The following PHACTR1 variants were observed in gnomAD, a reference collection of about 807,000 sequenced individuals.
PHACTR1 encodes the protein phosphatase and actin regulator 1.
PHACTR1 carries 16 observed loss-of-function variants against 69.2 expected under a neutral mutation model. That is an observed-to-expected ratio of 0.23 (90% CI 0.16 to 0.35). PHACTR1 has a LOEUF of 0.35. PHACTR1 is among the 10% of genes least tolerant of loss of function. The pLI, the probability that PHACTR1 is intolerant of heterozygous loss-of-function variation, is 1.00. For synonymous variants in PHACTR1, 312 were observed against 284.5 expected, an observed-to-expected ratio of 1.10 and a Z score of -0.97; for missense variants, 510 against 734.7, an observed-to-expected ratio of 0.69 and a Z score of 3.54.
intron 6 of PHACTR1, among the ~76,000 whole-genome samples, chr6:13,167,490 C>T (rs1402538259): frequency 1.3e-5 from 2 of 152,218 alleles, no homozygotes; most frequent in African/African-American, 4.8e-5. Flanking sequence ...ATTCCACACC[C>T]TAAATGTGGC....
chr6:12,835,039 T>C (rs1262536657), intron 4 of PHACTR1, among the ~76,000 whole-genome samples: 1 of 152,082 alleles, frequency 6.6e-6, no homozygotes, highest in Non-Finnish European at 1.5e-5. Context: ...GAGCTTAGGA[T>C]GAAAAGCTAG....
Position 13,028,644 on chromosome 6 carries a change from G to A in PHACTR1, c.251-24721G>A, listed in dbSNP as rs759995333. Among the ~76,000 whole-genome samples, 7 of 152,208 alleles carry A rather than the reference G, an allele frequency of 4.6e-5. No individual in the cohort carries two copies. The South Asian group carries it at 6.2e-4, about 14-fold the overall frequency. The stretch of plus-strand genomic sequence containing the variant: ...TTTACTATTGGGGAGTGTCAGGTGC[G>A]TCCTGTACATTGTAGGATGTTTAGC... On this transcript the variant is annotated intron_variant, in intron 4 of 14. Transcript: ENST00000332995.
intron 4 of PHACTR1, among the ~76,000 whole-genome samples, chr6:12,835,313 T>C (rs939787904): frequency 1.9e-4 from 29 of 152,018 alleles, no homozygotes; most frequent in Non-Finnish European, 8.8e-5. Flanking sequence ...TGTCAGAGTG[T>C]GAGGCTTGGG....
intron 5 of PHACTR1, among the ~76,000 whole-genome samples, chr6:13,063,678 G>A (rs1236411332): frequency 6.6e-6 from 1 of 152,072 alleles, no homozygotes; most frequent in East Asian, 1.9e-4. Context: ...TGCTGGGGAG[G>A]CTAAGGTGGG....
intron 4 of PHACTR1, among the ~76,000 whole-genome samples, chr6:12,904,980 T>C (rs1234993885): frequency 3.9e-5 from 6 of 152,174 alleles, no homozygotes; most frequent in Non-Finnish European, 7.4e-5. Context: ...TTCATAAAAA[T>C]AGCAGGAAAG....
intron 5 of PHACTR1, among the ~76,000 whole-genome samples, chr6:13,094,128 G>A (rs555320250): frequency 1.6e-4 from 24 of 152,068 alleles, no homozygotes; most frequent in African/African-American, 4.6e-4. Context: ...CAGTCCTCCC[G>A]CCTCAGCCTC....
intron 5 of PHACTR1, among the ~76,000 whole-genome samples, chr6:13,080,219 C>T (rs9473435): frequency 0.14 from 20,963 of 152,046 alleles, 4,755 homozygotes; most frequent in African/African-American, 0.47. Flanking sequence ...ACTATCCTGA[C>T]TTAGAAGATT....
rs368841752 is a variant in PHACTR1 at position 13,062,343 on chromosome 6, TA to T, written c.415+8816del. On this transcript the variant is annotated intron_variant, in intron 5 of 14. Transcript: ENST00000332995. ...CCCCAATCAAACAAGGACCAGCCCT[TA>T]ACCCTGGGCTGTTAGCCAACCACTT... Among the ~76,000 whole-genome samples, 40 of 152,270 alleles carry T rather than the reference TA, an allele frequency of 2.6e-4. 2 individuals are homozygous for T. The East Asian group carries it at 6.8e-3, about 26-fold the overall frequency.
chr6:13,195,751 C>T (rs1231043084), intron 7 of PHACTR1, among the ~76,000 whole-genome samples: 1 of 18,620 alleles, frequency 5.4e-5, no homozygotes, highest in Non-Finnish European at 1.3e-4. Flanking sequence ...GAGAGAGACA[C>T]CGTCTCAAAA....
intron 4 of PHACTR1, among the ~76,000 whole-genome samples, chr6:13,036,981 G>A (rs886696320): frequency 6.6e-6 from 1 of 152,172 alleles, no homozygotes; most frequent in African/African-American, 2.4e-5. Context: ...AACATGGAGG[G>A]TAGGGTCATA....
At chr6:12,762,431 A>G (rs2127612878) in intron 4 of PHACTR1, among the ~76,000 whole-genome samples, 1 of 152,350 alleles carries the variant, frequency 6.6e-6, no homozygotes, top group Admixed American at 6.5e-5. Flanking sequence ...TGCATTTGAC[A>G]TAAATAACGC....
chr6:12,777,956 A>C (rs1026612909), intron 4 of PHACTR1, among the ~76,000 whole-genome samples: 3 of 152,156 alleles, frequency 2.0e-5, no homozygotes, highest in Non-Finnish European at 4.4e-5. Flanking sequence ...TCTAGACTAC[A>C]GTTATTAACT....
intron 5 of PHACTR1, among the ~76,000 whole-genome samples, chr6:13,064,517 A>C (rs1415697955): frequency 7.3e-6 from 1 of 136,804 alleles, no homozygotes; most frequent in African/African-American, 2.7e-5. Flanking sequence ...TTAATATAAT[A>C]AATTGCAACG....
chr6:13,066,092 T>A (rs1443816265), intron 5 of PHACTR1, among the ~76,000 whole-genome samples: 4 of 152,186 alleles, frequency 2.6e-5, no homozygotes, highest in Non-Finnish European at 2.9e-5. Flanking sequence ...AAAAAATCTC[T>A]AACAGGTACA....
At chr6:12,813,328 T>C (rs1371672083) in intron 4 of PHACTR1, among the ~76,000 whole-genome samples, 3 of 152,234 alleles carry the variant, frequency 2.0e-5, no homozygotes, top group Non-Finnish European at 4.4e-5. Flanking sequence ...CTTAGCTTCA[T>C]GAACCAGCTT....
At chr6:13,061,046 T>G (rs1468162395) in intron 5 of PHACTR1, among the ~76,000 whole-genome samples, 1 of 152,116 alleles carries the variant, frequency 6.6e-6, no homozygotes, top group Non-Finnish European at 1.5e-5. Context: ...GCCTCTCTCC[T>G]CCCTGCCAGT....
At chr6:13,261,519 A>G (rs1280067474) in intron 10 of PHACTR1, among the ~76,000 whole-genome samples, 3 of 152,226 alleles carry the variant, frequency 2.0e-5, no homozygotes, top group Admixed American at 6.5e-5. Flanking sequence ...GCAACAGAGC[A>G]TTAAACCCCA....
At chr6:13,178,488 A>T (rs1761718948) in intron 6 of PHACTR1, among the ~76,000 whole-genome samples, 1 of 152,250 alleles carries the variant, frequency 6.6e-6, no homozygotes, top group African/African-American at 2.4e-5. Flanking sequence ...AGGACTTATT[A>T]GATGTGCACA....
chr6:12,836,885 G>C (rs1346617170), intron 4 of PHACTR1, among the ~76,000 whole-genome samples: 1 of 152,158 alleles, frequency 6.6e-6, no homozygotes, highest in Non-Finnish European at 1.5e-5. Context: ...CCCACCAGAA[G>C]CTGGCTTATC....
Sources: gnomAD v4.1 joint callset for allele counts (sites outside exome capture counted in the v4.1 genomes callset) on GRCh38, gnomAD v4.1.1 for gene constraint, MANE v1.5 for transcripts, NCBI Gene and HGNC (gene_info 2026-07-23, HGNC 2026-07-21) for gene names.